The following MFNG variants were observed in gnomAD, a reference collection of about 807,000 sequenced individuals.
MFNG encodes the protein MFNG O-fucosylpeptide 3-beta-N-acetylglucosaminyltransferase.
In MFNG, 24 loss-of-function variants were observed where a neutral mutation model predicts 34.2. The observed-to-expected ratio is 0.70, with a 90% CI of 0.51 to 0.99. The LOEUF (loss-of-function observed/expected upper bound fraction) is 0.99. Ranked by LOEUF, MFNG falls within the 50% of genes least tolerant of loss-of-function variation. MFNG has a pLI of 0.00. For missense variants in MFNG, 383 were observed against 424.0 expected, an observed-to-expected ratio of 0.90 and a Z score of 0.85; for synonymous variants, 158 against 179.2, an observed-to-expected ratio of 0.88 and a Z score of 0.94.
rs766611099 is a variant in MFNG at position 37,486,091 on chromosome 22, G to A, written c.87C>T (p.Asn29=). 1.2e-6 allele frequency: 2 copies of A among 1,613,304 alleles called. No individual in the cohort carries two copies. The highest frequency in any genetic ancestry group is 2.7e-5 in the African/African-American group (2 of 74,922). ...MGLLCLRYHL[N]LSPQRVQGTP... ...TCCCTTGTACCCGCTGCGGGGACAG[G>A]TTCAAGTGGTACCGCAGACACAGGA... The change falls in exon 1 of 8, where the codon AAC becomes AAT. Residue 29 remains asparagine (N), a synonymous_variant. Transcript: ENST00000356998.
At chr22:37,472,696 A>G (rs1921865930) in intron 6 of MFNG, 168 bp from the exon 7 acceptor site, 2 of 572,388 alleles carry the variant, frequency 3.5e-6, no homozygotes, top group East Asian at 6.8e-5. Flanking sequence ...AAGGCACTTC[A>G]CAGCTGGAAG....
At chr22:37,474,879 GCC>G (rs1921971617) in intron 5 of MFNG, among the ~76,000 whole-genome samples, 1 of 152,248 alleles carries the variant, frequency 6.6e-6, no homozygotes, top group Non-Finnish European at 1.5e-5. Flanking sequence ...GATGCTAATG[GCC>G]GTGTCTTCGT....
At position 37,472,548 on chromosome 22, in the gene MFNG, A is replaced by C. The variant is rs372348924; in HGVS notation, c.814-20T>G. The C allele has an allele frequency of 8.3e-6, 13 of 1,572,480 alleles. No homozygotes were observed. In the African/African-American group the frequency reaches 1.7e-4, roughly 20 times the overall value. On this transcript the variant is annotated intron_variant, in intron 6 of 7. Coordinates refer to ENST00000356998, the MANE Select transcript of MFNG (RefSeq NM_002405.4). ...GGTGACCTGGGCAGGGAGATAGAAG[A>C]GTGTTGGGGCATCACACTGGGGATC...
At position 37,479,374 on chromosome 22, in the gene MFNG, C is replaced by T. The variant is rs1163109140; in HGVS notation, c.532G>A (p.Ala178Thr). 6.2e-7 allele frequency: 1 copy of T among 1,601,424 alleles called. No individual in the cohort carries two copies. Among genetic ancestry groups the T allele is most frequent in the African/African-American group, 1.3e-5 (1 of 74,134 alleles). Residue 178 changes from alanine to threonine, a missense_variant, in exon 4 of 8, where the codon GCC becomes ACC. Physicochemically the swap from Ala to Thr is moderately conservative, Grantham distance 58. Coordinates refer to ENST00000356998, the MANE Select transcript of MFNG (RefSeq NM_002405.4). ...CGGTTGTGGGGCTGTGGCTCTGAGG[C>T]ATGGATGGGCCGGTTCAGGCTGGGC... ...GRPSLNRPIHASEPQPHNRTR... is the reference protein window; with the variant it reads ...GRPSLNRPIHTSEPQPHNRTR...
intron 4 of MFNG, among the ~76,000 whole-genome samples, chr22:37,477,709 C>T (rs1244596468): frequency 6.6e-6 from 1 of 152,190 alleles, no homozygotes; most frequent in Non-Finnish European, 1.5e-5. Flanking sequence ...CTCGGCCTCC[C>T]AAAGTGCTGG....
chr22:37,472,082 C>T (rs528711539), intron 7 of MFNG, among the ~76,000 whole-genome samples: 11 of 152,134 alleles, frequency 7.2e-5, no homozygotes, highest in Non-Finnish European at 1.6e-4. Context: ...AAATCCCCCA[C>T]CAGAGCCTGA....
In MFNG at chr22:37,480,285, C is replaced by T; in HGVS notation, c.319G>A (p.Val107Ile). ...CTGTGTTCCGCGGAGCAGTTGGTGACCACAAGGTGGGACCCTGGAGAAGTG... is the reference window on the plus strand; with the variant it reads ...CTGTGTTCCGCGGAGCAGTTGGTGATCACAAGGTGGGACCCTGGAGAAGTG... ...LQERLGSHLVVTNCSAEHSHP... is the reference protein window; with the variant it reads ...LQERLGSHLVITNCSAEHSHP... Residue 107 changes from valine (V) to isoleucine (I), a missense_variant, in exon 3 of 8, where the codon GTC (valine) becomes ATC (isoleucine). Coordinates refer to ENST00000356998, the MANE Select transcript of MFNG (RefSeq NM_002405.4). The T allele has an allele frequency of 1.2e-6, 2 of 1,613,694 alleles. No individual in the cohort carries two copies. The highest frequency in any genetic ancestry group is 3.3e-4 in the Middle Eastern group (2 of 6,052).
intron 3 of MFNG, 69 bp downstream of exon 3, chr22:37,480,128 C>G: frequency 7.7e-7 from 1 of 1,299,092 alleles, no homozygotes; most frequent in East Asian, 2.4e-5. Flanking sequence ...AGTCAGACCC[C>G]AGGAGTCCCA....
Position 37,469,805 on chromosome 22 carries a change from A to G in MFNG, c.*158T>C, listed in dbSNP as rs1921724022. The G allele has an allele frequency of 2.8e-6, 2 of 723,870 alleles. No homozygotes were observed. The highest frequency in any genetic ancestry group is 2.0e-5 in the Admixed American group (1 of 49,668). The allele number at this position is 723,870 out of a possible 1,614,324, so 44.8% of individuals were successfully genotyped here. On this transcript the variant is annotated 3_prime_UTR_variant, in exon 8 of 8. Coordinates refer to ENST00000356998, the MANE Select transcript of MFNG (RefSeq NM_002405.4). The stretch of plus-strand genomic sequence containing the variant: ...CCTCCCAGGGGCCTGGGGTGCCTTC[A>G]GTGCCAATTGCCACTCAGATCCTGG...
At position 37,469,681 on chromosome 22, in the gene MFNG, C is replaced by G; in HGVS notation, c.*282G>C. On this transcript the variant is annotated 3_prime_UTR_variant, in exon 8 of 8. Coordinates refer to ENST00000356998, the MANE Select transcript of MFNG (RefSeq NM_002405.4). Reference sequence around the variant, plus strand: ...CTGAGCCCCAGCCCAGCTCAAGTGCCCCCTGCCCTTTTTCAATTCAGCCTC... The same window carrying G: ...CTGAGCCCCAGCCCAGCTCAAGTGCGCCCTGCCCTTTTTCAATTCAGCCTC... 1.9e-6 allele frequency: 1 copy of G among 524,128 alleles called. No homozygotes were observed. Among genetic ancestry groups the G allele is most frequent in the Non-Finnish European group, 3.6e-6 (1 of 279,244 alleles). The allele number at this position is 524,128 out of a possible 1,614,324, so 32.5% of individuals were successfully genotyped here.
At chr22:37,479,547 C>G in intron 3 of MFNG, 49 bp from the exon 4 acceptor site, 3 of 1,601,794 alleles carry the variant, frequency 1.9e-6, no homozygotes, top group South Asian at 2.2e-5. Flanking sequence ...GGTTCCAAGC[C>G]AGGGTCCCCA....
Position 37,486,166 on chromosome 22 carries a change from C to A in MFNG, c.12G>T (p.Arg4=), listed in dbSNP as rs201175429. Residue 4 remains arginine (R), a synonymous_variant, in exon 1 of 8, where the codon CGG becomes CGT. Transcript: ENST00000356998. MQC[R]LPRGLAGALL... ...GGGCTCCAGCCAGGCCCCGCGGGAGCCGGCACTGCATTGGTTGGCCCTGGG... is the reference window on the plus strand; with the variant it reads ...GGGCTCCAGCCAGGCCCCGCGGGAGACGGCACTGCATTGGTTGGCCCTGGG... 3.8e-6 allele frequency: 6 copies of A among 1,577,732 alleles called. No homozygotes were observed. In the African/African-American group the frequency reaches 8.1e-5, roughly 21 times the overall value.
Position 37,476,936 on chromosome 22 carries a change from T to C in MFNG, c.607A>G (p.Ile203Val), listed in dbSNP as rs200431061. ...ATCTTCAAAGCCAGTTTGCGATTGA[T>C]GCAGAAGCCAGCACCCCCAGTGGCA... ...WFATGGAGFC[I>V]NRKLALKMAP... The change falls in exon 5 of 8, where the codon ATC becomes GTC. Residue 203 changes from isoleucine (I) to valine (V), a missense_variant. Coordinates refer to ENST00000356998, the MANE Select transcript of MFNG (RefSeq NM_002405.4). The C allele has an allele frequency of 3.1e-6, 5 of 1,614,062 alleles. No homozygotes were observed. The East Asian group carries it at 1.1e-4, about 36-fold the overall frequency.
Position 37,482,070 on chromosome 22 carries a change from C to T in MFNG, c.256-1301G>A, listed in dbSNP as rs1922314135. Reference sequence around the variant, plus strand: ...ACTTGTATTTCAGGGGAAACTGAGGCATAGGAGGCCAGGAGGCCGGGAGCC... The same window carrying T: ...ACTTGTATTTCAGGGGAAACTGAGGTATAGGAGGCCAGGAGGCCGGGAGCC... On this transcript the variant is annotated intron_variant, in intron 1 of 7. Coordinates refer to ENST00000356998, the MANE Select transcript of MFNG (RefSeq NM_002405.4). This position sits in a 1 kb window ranked among gnomAD's most constrained non-coding sequence, Gnocchi z 4.1. Among the ~76,000 whole-genome samples the T allele has an allele frequency of 6.6e-6, 1 of 152,192 alleles. No individual in the cohort carries two copies. The highest frequency in any genetic ancestry group is 1.5e-5 in the Non-Finnish European group (1 of 68,030).
At chr22:37,481,688 C>T (rs1445460477) in intron 1 of MFNG, among the ~76,000 whole-genome samples, 1 of 152,226 alleles carries the variant, frequency 6.6e-6, no homozygotes, top group Non-Finnish European at 1.5e-5. Flanking sequence ...CATCAGGGGC[C>T]TTTGAGGGCC....
At chr22:37,477,376 G>A (rs1487185341) in intron 4 of MFNG, among the ~76,000 whole-genome samples, 6 of 152,298 alleles carry the variant, frequency 3.9e-5, no homozygotes, top group Admixed American at 6.5e-5. Flanking sequence ...CTAGGTTGAC[G>A]GGGCCTGAGT....
chr22:37,474,605 C>G lies in MFNG; in HGVS notation c.720G>C (p.Glu240Asp). Reference sequence around the variant, plus strand: ...GCTGCAGGCGGCCGCCCAGCTTGCACTCAATGATATAGCCCATGGTGCAGT... The same window carrying G: ...GCTGCAGGCGGCCGCCCAGCTTGCAGTCAATGATATAGCCCATGGTGCAGT... ...PDDCTMGYII[E>D]CKLGGRLQPS... Residue 240 changes from glutamate to aspartate, a missense_variant, in exon 6 of 8, where the codon GAG becomes GAC. By Grantham distance (45) the Glu-to-Asp change is conservative. Transcript: ENST00000356998. 1 of 1,614,098 alleles carries G rather than the reference C, an allele frequency of 6.2e-7. No individual in the cohort carries two copies. Among genetic ancestry groups the G allele is most frequent in the East Asian group, 2.2e-5 (1 of 44,878 alleles).
chr22:37,479,536 G>A (rs1601798059), intron 3 of MFNG, 38 bp from the exon 4 acceptor site: 2 of 1,605,344 alleles, frequency 1.2e-6, no homozygotes, highest in Non-Finnish European at 1.7e-6. Flanking sequence ...CTTGTTGGGG[G>A]GGTTCCAAGC....
intron 6 of MFNG, chr22:37,472,777 C>A (rs1000463680): frequency 5.0e-6 from 2 of 396,954 alleles, no homozygotes. Flanking sequence ...GGAACAATAC[C>A]CCCATCTACA....
Sources: gnomAD v4.1 joint callset for allele counts (sites outside exome capture counted in the v4.1 genomes callset) on GRCh38, gnomAD v4.1.1 for gene constraint, Gnocchi (gnomAD v3.1) non-coding constraint, MANE v1.5 for transcripts, NCBI Gene and HGNC (gene_info 2026-07-23, HGNC 2026-07-21) for gene names.